Variants in SULF1 observed in about 807,000 individuals in gnomAD.
SULF1 encodes the protein sulfatase 1, also known as extracellular sulfatase Sulf-1.
A neutral mutation model predicts 110.5 loss-of-function variants in SULF1; 46 were observed. That is an observed-to-expected ratio of 0.42 (90% CI 0.33 to 0.53). SULF1 has a LOEUF of 0.53. SULF1 is among the 20% of genes least tolerant of loss of function. The probability of loss-of-function intolerance (pLI) is 0.12; values close to 1 mark genes in which losing one functional copy is unlikely to be tolerated. For synonymous variants in SULF1, 371 were observed against 387.1 expected (o/e 0.96, Z 0.49); for missense variants, 941 against 1,094.2 (o/e 0.86, Z 1.98).
At chr8:69,585,982 C>T (rs1586475674) in intron 6 of SULF1, among the ~76,000 whole-genome samples, 1 of 152,204 alleles carries the variant, frequency 6.6e-6, no homozygotes, top group Non-Finnish European at 1.5e-5. Context: ...TTCTCCAACA[C>T]CTGCCCGGTG....
At chr8:69,611,444 T>A (rs1422386283) in intron 13 of SULF1, among the ~76,000 whole-genome samples, 1 of 152,162 alleles carries the variant, frequency 6.6e-6, no homozygotes, top group African/African-American at 2.4e-5. Context: ...CTCTTTCCCA[T>A]CTCACACCAT....
rs143063142 is a variant in SULF1, at chr8:69,654,127, C to T, written c.2586-4378C>T. Among the ~76,000 whole-genome samples the T allele has an allele frequency of 2.8e-3, 422 of 152,310 alleles. 2 individuals carry two copies. The highest frequency in any genetic ancestry group is 9.7e-3 in the African/African-American group (404 of 41,576). ...GTATAATGGAGCTAAGAGACAATGTCATCTCCTGTTCTGAGCCTTTTTCAA... is the reference window on the plus strand; with the variant it reads ...GTATAATGGAGCTAAGAGACAATGTTATCTCCTGTTCTGAGCCTTTTTCAA... On this transcript the variant is annotated intron_variant, in intron 22 of 22. Coordinates refer to ENST00000402687, the MANE Select transcript of SULF1 (RefSeq NM_001128205.2).
chr8:69,471,037 A>T (rs1809061564), intron 1 of SULF1, among the ~76,000 whole-genome samples: 1 of 152,216 alleles, frequency 6.6e-6, no homozygotes, highest in East Asian at 1.9e-4. Context: ...ACCTCTATAT[A>T]TTCATCCTTC....
At chr8:69,594,706 T>C (rs1586499775) in intron 8 of SULF1, among the ~76,000 whole-genome samples, 2 of 152,038 alleles carry the variant, frequency 1.3e-5, no homozygotes, top group East Asian at 3.9e-4. Flanking sequence ...AAAGTTTAAA[T>C]TCTACAAAAA....
At chr8:69,544,866 A>G (rs1490519317) in intron 3 of SULF1, among the ~76,000 whole-genome samples, 1 of 152,170 alleles carries the variant, frequency 6.6e-6, no homozygotes, top group African/African-American at 2.4e-5. Flanking sequence ...TTTTCTGAAA[A>G]TACTGAAATT....
At chr8:69,540,922 TCTAAA>T (rs3059925) in intron 3 of SULF1, among the ~76,000 whole-genome samples, 19,979 of 151,952 alleles carry the variant, frequency 0.13, 1,436 homozygotes, top group Middle Eastern at 0.19. Context: ...TTAACTTCAC[TCTAAA>T]CTAACCCAAA....
intron 3 of SULF1, among the ~76,000 whole-genome samples, chr8:69,506,917 T>G (rs1431533797): frequency 1.3e-5 from 2 of 152,206 alleles, no homozygotes; most frequent in Non-Finnish European, 2.9e-5. Context: ...ACAATGGTCT[T>G]GTTCTATGCT....
At chr8:69,588,923 T>C (rs754792643) in intron 7 of SULF1, 49 bp from the exon 8 acceptor site, 2 of 1,569,596 alleles carry the variant, frequency 1.3e-6, no homozygotes, top group South Asian at 1.2e-5. Flanking sequence ...TGCGATCTGA[T>C]GAATGTCACC....
chr8:69,605,337 A>G (rs987126286), intron 13 of SULF1, among the ~76,000 whole-genome samples: 3 of 152,186 alleles, frequency 2.0e-5, no homozygotes, highest in Non-Finnish European at 4.4e-5. Flanking sequence ...CCTTCACCCT[A>G]GGCTAAAGTC....
At chr8:69,647,242 T>C (rs535220286) in intron 22 of SULF1, among the ~76,000 whole-genome samples, 9 of 150,716 alleles carry the variant, frequency 6.0e-5, no homozygotes, top group African/African-American at 2.2e-4. Flanking sequence ...TGCGCCTGGC[T>C]GAGCCCTGGA....
At chr8:69,626,469 C>T (rs1400623089) in intron 15 of SULF1, among the ~76,000 whole-genome samples, 1 of 152,240 alleles carries the variant, frequency 6.6e-6, no homozygotes, top group African/African-American at 2.4e-5. Flanking sequence ...CTGCCAGTCC[C>T]GCGCCATGCG....
intron 3 of SULF1, among the ~76,000 whole-genome samples, chr8:69,526,798 A>AAGG (rs1812704738): frequency 4.5e-4 from 51 of 112,194 alleles, no homozygotes; most frequent in Non-Finnish European, 4.3e-4. Context: ...GTCAAGAAAG[A>AAGG]AAGGAAGGAA....
intron 3 of SULF1, among the ~76,000 whole-genome samples, chr8:69,524,118 A>G (rs1041454796): frequency 6.6e-6 from 1 of 151,776 alleles, no homozygotes; most frequent in South Asian, 2.1e-4. Flanking sequence ...AAGAAAGCTA[A>G]GAGATTTGAG....
At chr8:69,572,166 C>T (rs1426270712) in intron 5 of SULF1, among the ~76,000 whole-genome samples, 3 of 152,146 alleles carry the variant, frequency 2.0e-5, no homozygotes, top group Non-Finnish European at 4.4e-5. Flanking sequence ...AGACCTATCG[C>T]GACTGCAAGC....
intron 19 of SULF1, among the ~76,000 whole-genome samples, chr8:69,631,265 C>T (rs1810521806): frequency 6.6e-6 from 1 of 152,098 alleles, no homozygotes; most frequent in African/African-American, 2.4e-5. Flanking sequence ...CAGAAGGAGG[C>T]CCTTCATACC....
intron 19 of SULF1, among the ~76,000 whole-genome samples, chr8:69,636,075 G>A (rs138715948): frequency 2.6e-5 from 4 of 152,118 alleles, no homozygotes; most frequent in African/African-American, 7.2e-5. Context: ...TGCTCATTAC[G>A]TGTACCTATC....
At chr8:69,547,344 C>T (rs1439340686) in intron 3 of SULF1, among the ~76,000 whole-genome samples, 1 of 152,138 alleles carries the variant, frequency 6.6e-6, no homozygotes, top group Non-Finnish European at 1.5e-5. Context: ...CAAATATCTT[C>T]CCCTGGGATT....
chr8:69,591,755 G>C (rs1201860499), intron 8 of SULF1, among the ~76,000 whole-genome samples: 1 of 152,088 alleles, frequency 6.6e-6, no homozygotes, highest in Non-Finnish European at 1.5e-5. Context: ...TTGGCACACT[G>C]GTACCCACAG....
chr8:69,643,216 C>G (rs1229031698), intron 22 of SULF1, among the ~76,000 whole-genome samples: 2 of 152,200 alleles, frequency 1.3e-5, no homozygotes, highest in African/African-American at 4.8e-5. Flanking sequence ...CACCCAAATG[C>G]AGTGTTTGAT....
Sources: allele counts gnomAD v4.1 joint callset (sites outside exome capture counted in the v4.1 genomes callset), GRCh38; gene constraint gnomAD v4.1.1; transcripts MANE v1.5; gene names NCBI Gene and HGNC (gene_info 2026-07-23, HGNC 2026-07-21).